RYR3: variants seen among roughly 807,000 people sequenced by gnomAD.
The protein encoded by RYR3 is ryanodine receptor 3, also known as brain ryanodine receptor-calcium release channel.
RYR3 carries 207 observed loss-of-function variants against 584.3 expected under a neutral mutation model. That is an observed-to-expected ratio of 0.35 (90% confidence interval 0.32 to 0.40). RYR3 has a LOEUF of 0.40. RYR3 is among the 10% of genes least tolerant of loss of function. RYR3 has a pLI of 1.00. For missense variants in RYR3, 5,616 were observed against 6,089.2 expected (o/e 0.92, Z 2.59); for synonymous variants, 2,416 against 2,248.5 (o/e 1.07, Z -2.11).
intron 1 of RYR3, among the ~76,000 whole-genome samples, chr15:33,350,076 G>A (rs1405008298): frequency 6.6e-6 from 1 of 151,990 alleles, no homozygotes; most frequent in African/African-American, 2.4e-5. Flanking sequence ...TGTCTTTATA[G>A]CAGCATGATT....
In RYR3 at chr15:33,670,669, A is replaced by G. The variant is rs150922397; in HGVS notation, c.5860+113A>G. The G allele has an allele frequency of 3.1e-4, 333 of 1,086,760 alleles. 1 individual carries two copies. The African/African-American group carries it at 4.5e-3, about 15-fold the overall frequency. The allele number at this position is 1,086,760 out of a possible 1,614,324, so 67.3% of individuals were successfully genotyped here. A position where few individuals can be genotyped will look rare whatever the true frequency, so the allele number is the denominator to read the frequency against. The stretch of plus-strand genomic sequence containing the variant: ...GGGGCTGCTTAACTTCAAAGAAAGC[A>G]TCTGGGCAGTATGTTATAATTGCTG... On this transcript the variant is annotated intron_variant, in intron 38 of 103. Transcript: ENST00000634891.
intron 58 of RYR3, among the ~76,000 whole-genome samples, chr15:33,755,776 CT>C (rs1008964976): frequency 3.3e-5 from 5 of 151,970 alleles, no homozygotes; most frequent in Admixed American, 6.6e-5. Flanking sequence ...TGCTTTCTTT[CT>C]TTTTTTTCTG....
intron 48 of RYR3, among the ~76,000 whole-genome samples, chr15:33,732,063 G>A (rs1437610803): frequency 6.6e-6 from 1 of 152,098 alleles, no homozygotes; most frequent in Non-Finnish European, 1.5e-5. Context: ...ATCTTACATA[G>A]AAGCCAGACT....
At chr15:33,419,805 T>C (rs2044102595) in intron 1 of RYR3, among the ~76,000 whole-genome samples, 2 of 152,186 alleles carry the variant, frequency 1.3e-5, no homozygotes, top group South Asian at 4.1e-4. Context: ...AGTGATGCAG[T>C]GTGTACTCAT....
In RYR3 at chr15:33,735,863, G is replaced by T. The variant is rs577632303; in HGVS notation, c.7425-372G>T. On this transcript the variant is annotated intron_variant, in intron 48 of 103. Transcript: ENST00000634891. ...GATTCCACCTGTGCAGCTGCTCAAC[G>T]CCAGTTTCTCCCTCTGCAGAGTTCA... is the stretch of plus-strand genomic sequence containing the variant. 2.6e-5 allele frequency among the ~76,000 whole-genome samples: 4 copies of T among 152,230 alleles called. No homozygotes were observed. The East Asian group carries it at 7.7e-4, about 29-fold the overall frequency.
chr15:33,509,803 C>T (rs2052810817), intron 3 of RYR3, among the ~76,000 whole-genome samples: 1 of 152,174 alleles, frequency 6.6e-6, no homozygotes, highest in Non-Finnish European at 1.5e-5. Flanking sequence ...TGCCCTTGCT[C>T]AGGACCTCCC....
chr15:33,389,000 C>CCAAA (rs1263200315), intron 1 of RYR3, among the ~76,000 whole-genome samples: 2 of 145,522 alleles, frequency 1.4e-5, no homozygotes, highest in African/African-American at 5.1e-5. Flanking sequence ...GGACAAAAAA[C>CCAAA]CAAACACCGC....
Position 33,581,517 on chromosome 15 carries a change from G to T in RYR3, c.1447G>T (p.Ala483Ser). ...QNLFKEEGML[A>S]LVLNCIDRLN... ...CCACTCTCCTTCTCAGGGAATGTTG[G>T]CCCTTGTCTTAAATTGCATTGACCG... The change falls in exon 14 of 104, where the codon GCC becomes TCC. Residue 483 changes from alanine (A) to serine (S), a missense_variant. Ala to Ser is a moderately conservative substitution (Grantham distance 99). This residue lies in a region of RYR3 where 1,284 missense variants were observed against 1,344.6 expected (regional missense o/e 0.95). Transcript: ENST00000634891. 6.2e-7 allele frequency: 1 copy of T among 1,613,660 alleles called. No individual in the cohort carries two copies. The highest frequency in any genetic ancestry group is 8.5e-7 in the Non-Finnish European group (1 of 1,179,626).
Position 33,834,285 on chromosome 15 carries a change from A to AACACACACACACACAC in RYR3, c.11464-659_11464-644dup, listed in dbSNP as rs61059288. On this transcript the variant is annotated intron_variant, in intron 86 of 103. Transcript: ENST00000634891. Reference sequence around the variant, plus strand: ...GGTGACAGAGCAAAAATCTGTCTTAAACACACACACACACACACACACACA... The same window carrying AACACACACACACACAC: ...GGTGACAGAGCAAAAATCTGTCTTAAACACACACACACACACACACACACACACACACACACACACA... Among the ~76,000 whole-genome samples the AACACACACACACACAC allele has an allele frequency of 3.2e-3, 432 of 136,930 alleles. 1 individual carries two copies. The highest frequency in any genetic ancestry group is 6.9e-3 in the Middle Eastern group (2 of 288). The allele number at this position is 136,930 out of a possible 152,430, so 89.8% of individuals were successfully genotyped here.
chr15:33,617,068 T>TTTC (rs1180489592), intron 19 of RYR3, among the ~76,000 whole-genome samples: 5 of 152,202 alleles, frequency 3.3e-5, no homozygotes, highest in Non-Finnish European at 7.3e-5. Context: ...AACAAAGAGC[T>TTTC]AGAAAGAGAA....
intron 3 of RYR3, among the ~76,000 whole-genome samples, chr15:33,513,564 G>A (rs997925626): frequency 2.0e-5 from 3 of 152,224 alleles, no homozygotes; most frequent in Non-Finnish European, 2.9e-5. Flanking sequence ...AAAGTAAGAC[G>A]AAAGCTGAAG....
At chr15:33,408,982 CT>C (rs2043205410) in intron 1 of RYR3, among the ~76,000 whole-genome samples, 1 of 152,196 alleles carries the variant, frequency 6.6e-6, no homozygotes, top group Admixed American at 6.5e-5. Flanking sequence ...GAAATTCACT[CT>C]CTGTGTATGT....
chr15:33,376,274 C>T (rs2040730905), intron 1 of RYR3, among the ~76,000 whole-genome samples: 1 of 152,146 alleles, frequency 6.6e-6, no homozygotes, highest in Admixed American at 6.5e-5. Flanking sequence ...TTTAAGATAA[C>T]TCATGATATT....
intron 1 of RYR3, among the ~76,000 whole-genome samples, chr15:33,324,060 C>T (rs1032645360): frequency 9.9e-5 from 15 of 152,084 alleles, no homozygotes; most frequent in African/African-American, 3.6e-4. Context: ...TTTGCCCAGA[C>T]TTCTTTATCA....
intron 91 of RYR3, 125 bp downstream of exon 91, chr15:33,842,160 CT>C (rs765894534): frequency 6.5e-6 from 7 of 1,072,794 alleles, no homozygotes; most frequent in Non-Finnish European, 9.3e-6. Flanking sequence ...CATTCCTAAA[CT>C]TTCTTCTTCC....
At position 33,566,397 on chromosome 15, in the gene RYR3, C is replaced by T. The variant is rs1056776635; in HGVS notation, c.1147-281C>T. On this transcript the variant is annotated intron_variant, in intron 11 of 103. Coordinates refer to ENST00000634891, the MANE Select transcript of RYR3 (RefSeq NM_001036.6). ...AAATCAATCATGAGGTATGTTATCG[C>T]CCTTTCAAATCTAGGCCTGAGGAAT... Among the ~76,000 whole-genome samples, 5 of 152,166 alleles carry T rather than the reference C, an allele frequency of 3.3e-5. No homozygotes were observed. In the East Asian group the frequency reaches 7.7e-4, roughly 23 times the overall value.
At chr15:33,749,938 C>CT in intron 55 of RYR3, 41 bp from the exon 56 acceptor site, 1 of 1,585,406 alleles carries the variant, frequency 6.3e-7, no homozygotes. Flanking sequence ...AGCTTGCCTG[C>CT]TTTCTTTCTT....
Position 33,843,497 on chromosome 15 carries a change from G to C in RYR3, c.13219G>C (p.Ala4407Pro). 1 of 1,601,932 alleles carries C rather than the reference G, an allele frequency of 6.2e-7. No homozygotes were observed. Among genetic ancestry groups the C allele is most frequent in the Non-Finnish European group, 8.5e-7 (1 of 1,173,578 alleles). ...GTCCTTTTCTTTGCAGCATTACCTG[G>C]CCAGGAATTTCTACAACCTGAGGTT... is the stretch of plus-strand genomic sequence containing the variant. ...IYQTKLLHYLARNFYNLRFLA... is the reference protein window; with the variant it reads ...IYQTKLLHYLPRNFYNLRFLA... Residue 4407 changes from alanine to proline, a missense_variant, in exon 92 of 104, where the codon GCC becomes CCC. By Grantham distance (27) the Ala-to-Pro change is conservative. Transcript: ENST00000634891.
At chr15:33,551,069 C>G (rs556649433) in intron 10 of RYR3, among the ~76,000 whole-genome samples, 1 of 152,326 alleles carries the variant, frequency 6.6e-6, no homozygotes, top group South Asian at 2.1e-4. Flanking sequence ...AGCCAAGCTT[C>G]TACTCTGTCT....
Sources: allele counts gnomAD v4.1 joint callset (sites outside exome capture counted in the v4.1 genomes callset), GRCh38; gene constraint gnomAD v4.1.1; regional missense constraint gnomAD v4.1.1; transcripts MANE v1.5; gene names NCBI Gene and HGNC (gene_info 2026-07-23, HGNC 2026-07-21).